The following IGF1R variants were observed in gnomAD, a reference collection of about 807,000 sequenced individuals.
IGF1R encodes the protein insulin like growth factor 1 receptor.
IGF1R carries 44 observed loss-of-function variants against 144.6 expected under a neutral mutation model. The observed-to-expected ratio is 0.30, with a 90% CI of 0.24 to 0.39. The LOEUF (loss-of-function observed/expected upper bound fraction) is 0.39. Among genes scored for constraint, IGF1R ranks in the 10% least tolerant of loss-of-function variants. The pLI is 1.00. For missense variants in IGF1R, 1,355 were observed against 1,833.7 expected (o/e 0.74, Z 4.77); for synonymous variants, 795 against 722.8 (o/e 1.10, Z -1.60).
chr15:98,682,676 T>C (rs2053222123), intron 1 of IGF1R, among the ~76,000 whole-genome samples: 1 of 151,988 alleles, frequency 6.6e-6, no homozygotes, highest in African/African-American at 2.4e-5. Flanking sequence ...GCCTTCCAGG[T>C]AGCTGGGATT....
chr15:98,651,584 C>G (rs13380208), intron 1 of IGF1R, among the ~76,000 whole-genome samples: 1 of 152,186 alleles, frequency 6.6e-6, no homozygotes, highest in Non-Finnish European at 1.5e-5. Context: ...TTCAAAACAG[C>G]AGGGATGGCC....
intron 2 of IGF1R, among the ~76,000 whole-genome samples, chr15:98,841,876 T>C (rs2011180678): frequency 6.6e-6 from 1 of 152,204 alleles, no homozygotes; most frequent in Non-Finnish European, 1.5e-5. Context: ...CACCTACTCC[T>C]TGGAAAGTTC....
intron 7 of IGF1R, 120 bp downstream of exon 7, chr15:98,911,561 G>A: frequency 7.5e-7 from 1 of 1,342,148 alleles, no homozygotes; most frequent in Non-Finnish European, 1.1e-6. Context: ...CCCAGGGAGA[G>A]CCACGCCAAA....
At chr15:98,787,974 C>T (rs1332433909) in intron 2 of IGF1R, among the ~76,000 whole-genome samples, 3 of 151,576 alleles carry the variant, frequency 2.0e-5, no homozygotes, top group Non-Finnish European at 4.4e-5. Flanking sequence ...AGTTTGTTCA[C>T]CACGCTTGAT....
chr15:98,684,698 T>C (rs1334893528), intron 1 of IGF1R, among the ~76,000 whole-genome samples: 1 of 152,068 alleles, frequency 6.6e-6, no homozygotes, highest in Non-Finnish European at 1.5e-5. Context: ...TTGCTGTGGA[T>C]GAGAGAGTAG....
At chr15:98,728,120 C>T (rs76420011) in intron 2 of IGF1R, among the ~76,000 whole-genome samples, 2,992 of 149,116 alleles carry the variant, frequency 0.02, 86 homozygotes, top group African/African-American at 0.06. Context: ...CCTGAAGATG[C>T]ATTTTTTAAC....
chr15:98,704,206 T>C lies in IGF1R; in HGVS notation c.95-3356T>C, dbSNP rs556360840. 3.3e-5 allele frequency among the ~76,000 whole-genome samples: 5 copies of C among 152,102 alleles called. No individual in the cohort carries two copies. The highest frequency in any genetic ancestry group is 1.9e-4 in the East Asian group (1 of 5,190). On this transcript the variant is annotated intron_variant, in intron 1 of 20. Coordinates refer to ENST00000650285, the MANE Select transcript of IGF1R (RefSeq NM_000875.5). The surrounding 1 kb of genome is among the most constrained non-coding windows in gnomAD (Gnocchi z 4.9). ...TTCATGCACAAGATTATTAAAAATA[T>C]ATAAAATGACTTTTTAGAGAAGCGA...
intron 5 of IGF1R, 125 bp from the exon 6 acceptor site, chr15:98,908,560 C>A (rs971899380): frequency 4.1e-6 from 3 of 728,358 alleles, no homozygotes; most frequent in Non-Finnish European, 7.4e-6. Flanking sequence ...ATAACTAAAT[C>A]TCTTATTGGC....
At chr15:98,754,114 A>G (rs1475399919) in intron 2 of IGF1R, among the ~76,000 whole-genome samples, 1 of 152,068 alleles carries the variant, frequency 6.6e-6, no homozygotes, top group Admixed American at 6.6e-5. Flanking sequence ...ATATTTTGTT[A>G]TTAATAATAG....
At chr15:98,723,833 T>TA (rs1363641887) in intron 2 of IGF1R, among the ~76,000 whole-genome samples, 1 of 152,002 alleles carries the variant, frequency 6.6e-6, no homozygotes, top group African/African-American at 2.4e-5. Context: ...GATTTTTTTT[T>TA]AAATGCATGT....
At chr15:98,823,671 A>G (rs2056841238) in intron 2 of IGF1R, among the ~76,000 whole-genome samples, 1 of 152,184 alleles carries the variant, frequency 6.6e-6, no homozygotes, top group Admixed American at 6.5e-5. Flanking sequence ...GCATCTTTCC[A>G]GGTGTCAGAG....
intron 9 of IGF1R, 136 bp from the exon 10 acceptor site, chr15:98,916,536 A>G: frequency 1.2e-6 from 1 of 833,376 alleles, no homozygotes; most frequent in Non-Finnish European, 2.0e-6. Context: ...TGCTGGGATT[A>G]TAGCCTTGAG....
chr15:98,926,170 AC>A (rs1300603976), intron 13 of IGF1R, among the ~76,000 whole-genome samples: 2 of 152,194 alleles, frequency 1.3e-5, no homozygotes, highest in Non-Finnish European at 2.9e-5. Flanking sequence ...GTTTGTGGCA[AC>A]CTGGATGAAC....
intron 2 of IGF1R, among the ~76,000 whole-genome samples, chr15:98,803,502 A>ATTTATTTATTTATTTATTTG (rs1194763897): frequency 1.3e-5 from 2 of 150,306 alleles, no homozygotes; most frequent in Non-Finnish European, 3.0e-5. Flanking sequence ...ATTACATTTT[A>ATTTATTTATTTATTTATTTG]TTTATTTATT....
intron 2 of IGF1R, among the ~76,000 whole-genome samples, chr15:98,828,525 G>A (rs536252982): frequency 5.3e-5 from 8 of 152,228 alleles, no homozygotes; most frequent in East Asian, 1.9e-4. Context: ...TTGGGAAACC[G>A]TGGAGAGAGA....
intron 2 of IGF1R, among the ~76,000 whole-genome samples, chr15:98,751,733 A>C (rs1165058802): frequency 1.3e-5 from 2 of 152,206 alleles, no homozygotes; most frequent in Admixed American, 6.5e-5. Context: ...GTTGCTTTCC[A>C]AACAGCTTAC....
chr15:98,846,955 C>T lies in IGF1R; in HGVS notation c.641-44370C>T, dbSNP rs79073836. ...GCTGCCAATTATTATATTCCTTCAT[C>T]AGACAAAGGCGGAACAGTTCACTCT... On this transcript the variant is annotated intron_variant, in intron 2 of 20. Coordinates refer to ENST00000650285, the MANE Select transcript of IGF1R (RefSeq NM_000875.5). Among the ~76,000 whole-genome samples the T allele has an allele frequency of 3.7e-3, 557 of 152,324 alleles. 5 individuals carry two copies. The highest frequency in any genetic ancestry group is 5.9e-3 in the Non-Finnish European group (401 of 68,026).
intron 2 of IGF1R, among the ~76,000 whole-genome samples, chr15:98,720,583 G>T (rs1041256835): frequency 2.6e-5 from 4 of 152,196 alleles, no homozygotes; most frequent in Non-Finnish European, 4.4e-5. Context: ...AAGTTCCAGA[G>T]AGCTTACTGA....
chr15:98,655,402 T>C (rs1016030214), intron 1 of IGF1R, among the ~76,000 whole-genome samples: 4 of 152,310 alleles, frequency 2.6e-5, no homozygotes, highest in Non-Finnish European at 5.9e-5. Flanking sequence ...TTCTCTCCCT[T>C]TTTTTCCACT....
Sources: allele counts gnomAD v4.1 joint callset (sites outside exome capture counted in the v4.1 genomes callset), GRCh38; gene constraint gnomAD v4.1.1; non-coding constraint Gnocchi (gnomAD v3.1); transcripts MANE v1.5; gene names NCBI Gene and HGNC (gene_info 2026-07-23, HGNC 2026-07-21).